SPMAP2L: variants seen among roughly 807,000 people sequenced by gnomAD.
SPMAP2L encodes the protein sperm microtubule associated protein 2-like.
At chr4:56,619,764 C>T in the SPMAP2L span, among the ~76,000 whole-genome samples, 24 of 152,246 alleles carry the variant, frequency 1.6e-4, no homozygotes, top group African/African-American at 5.5e-4. Context: ...TAAAGAAAAT[C>T]AGCAGAGTGA....
At chr4:56,530,711 C>G in the SPMAP2L span, 2 of 1,535,346 alleles carry the variant, frequency 1.3e-6, no homozygotes, top group Non-Finnish European at 1.7e-6. Context: ...TCATCTGCGC[C>G]GTCCGAGGTG....
At chr4:56,556,792 T>G in the SPMAP2L span, among the ~76,000 whole-genome samples, 1 of 151,850 alleles carries the variant, frequency 6.6e-6, no homozygotes, top group Non-Finnish European at 1.5e-5. Context: ...GGAGAATTGC[T>G]TGAACCTGGG....
At chr4:56,556,013 A>T in the SPMAP2L span, among the ~76,000 whole-genome samples, 1 of 152,214 alleles carries the variant, frequency 6.6e-6, no homozygotes, top group Non-Finnish European at 1.5e-5. Flanking sequence ...ATTTGAAAAC[A>T]ATAGAAAAAT....
At chr4:56,559,714 C>G in the SPMAP2L span, among the ~76,000 whole-genome samples, 1 of 152,116 alleles carries the variant, frequency 6.6e-6, no homozygotes, top group Non-Finnish European at 1.5e-5. Flanking sequence ...ATTACAGTCA[C>G]ACACCACCAC....
the SPMAP2L span, among the ~76,000 whole-genome samples, chr4:56,538,399 G>C: frequency 2.0e-5 from 3 of 152,148 alleles, no homozygotes; most frequent in Non-Finnish European, 4.4e-5. Context: ...GTTTTTAAGA[G>C]GTGGGAAAGC....
the SPMAP2L span, among the ~76,000 whole-genome samples, chr4:56,607,317 A>G: frequency 6.6e-6 from 1 of 152,276 alleles, no homozygotes; most frequent in African/African-American, 2.4e-5. Flanking sequence ...GAAGCAAAGA[A>G]CAAGCCCTTA....
chr4:56,573,016 CAA>C, the SPMAP2L span, among the ~76,000 whole-genome samples: 32 of 112,472 alleles, frequency 2.8e-4, no homozygotes, highest in South Asian at 8.7e-4. Flanking sequence ...ACTCTATCTC[CAA>C]AAAAAAAAAA....
At chr4:56,563,044 G>A in the SPMAP2L span, among the ~76,000 whole-genome samples, 1 of 143,482 alleles carries the variant, frequency 7.0e-6, no homozygotes, top group East Asian at 2.1e-4. Context: ...CCATGGACTT[G>A]ATTATGAGTT....
chr4:56,543,538 A>G, the SPMAP2L span, among the ~76,000 whole-genome samples: 7 of 152,062 alleles, frequency 4.6e-5, no homozygotes, highest in Admixed American at 2.6e-4. Context: ...CTAAAAATAC[A>G]AAGATTTGCC....
the SPMAP2L span, among the ~76,000 whole-genome samples, chr4:56,621,084 G>A: frequency 6.6e-6 from 1 of 152,080 alleles, no homozygotes; most frequent in Non-Finnish European, 1.5e-5. Context: ...GAAAAAAAAC[G>A]CAACTATAAA....
At chr4:56,595,595 G>A in the SPMAP2L span, 2 of 1,343,992 alleles carry the variant, frequency 1.5e-6, no homozygotes, top group African/African-American at 1.4e-5. Context: ...TGAAACCAGA[G>A]AACAAATTCT....
the SPMAP2L span, among the ~76,000 whole-genome samples, chr4:56,537,715 G>A: frequency 6.7e-6 from 1 of 150,036 alleles, no homozygotes; most frequent in Non-Finnish European, 1.5e-5. Flanking sequence ...TTTTTGAGAC[G>A]AGTCTCGCTC....
chr4:56,600,539 G>A, the SPMAP2L span, among the ~76,000 whole-genome samples: 1,322 of 152,110 alleles, frequency 8.7e-3, 16 homozygotes, highest in South Asian at 0.047. Flanking sequence ...TGATCCACCC[G>A]CCTTGGCCTC....
the SPMAP2L span, among the ~76,000 whole-genome samples, chr4:56,598,595 GT>G: frequency 4.9e-5 from 7 of 141,658 alleles, no homozygotes; most frequent in Middle Eastern, 3.5e-3. Flanking sequence ...GCTAAGGGAA[GT>G]TTTTTTTTCA....
chr4:56,554,160 A>G, the SPMAP2L span, among the ~76,000 whole-genome samples: 8 of 152,328 alleles, frequency 5.3e-5, no homozygotes, highest in East Asian at 1.3e-3. Flanking sequence ...TGCTATAAAC[A>G]TTCACGTGCA....
the SPMAP2L span, among the ~76,000 whole-genome samples, chr4:56,537,198 C>T: frequency 6.6e-6 from 1 of 152,172 alleles, no homozygotes; most frequent in Non-Finnish European, 1.5e-5. Context: ...TCTCAGGCTC[C>T]TTTGCTGAAC....
the SPMAP2L span, among the ~76,000 whole-genome samples, chr4:56,613,371 G>A: frequency 2.0e-5 from 3 of 152,152 alleles, no homozygotes; most frequent in African/African-American, 7.2e-5. Flanking sequence ...TTGCAAGACA[G>A]GGCAGGCATC....
At chr4:56,615,078 G>A in the SPMAP2L span, among the ~76,000 whole-genome samples, 1 of 152,140 alleles carries the variant, frequency 6.6e-6, no homozygotes, top group Non-Finnish European at 1.5e-5. Context: ...TTCCACATGA[G>A]GCAAAAGGAC....
the SPMAP2L span, among the ~76,000 whole-genome samples, chr4:56,589,538 C>T: frequency 6.6e-6 from 1 of 152,080 alleles, no homozygotes; most frequent in Non-Finnish European, 1.5e-5. Context: ...TGGTCGTTTT[C>T]ACAATATTGA....
Sources: allele counts gnomAD v4.1 joint callset (sites outside exome capture counted in the v4.1 genomes callset), GRCh38; gene constraint gnomAD v4.1.1; transcripts MANE v1.5; gene names NCBI Gene and HGNC (gene_info 2026-07-23, HGNC 2026-07-21).